The following SULT1E1 variants were observed in gnomAD, a reference collection of about 807,000 sequenced individuals.
The protein encoded by SULT1E1 is sulfotransferase 1E1.
SULT1E1 carries 36 observed loss-of-function variants against 33.6 expected under a neutral mutation model. That is an observed-to-expected ratio of 1.07 (90% CI 0.82 to 1.41). The LOEUF (loss-of-function observed/expected upper bound fraction) is 1.41, where lower values mean the gene tolerates loss of function less well. Ranked by LOEUF, SULT1E1 falls within the 40% of genes most tolerant of loss-of-function variation. The pLI, the probability that SULT1E1 is intolerant of heterozygous loss-of-function variation, is 0.00. For missense variants in SULT1E1, 371 were observed against 345.7 expected, an observed-to-expected ratio of 1.07 and a Z score of -0.58; for synonymous variants, 121 against 111.7, an observed-to-expected ratio of 1.08 and a Z score of -0.53.
chr4:69,822,963 G>A, the SULT1E1 span, among the ~76,000 whole-genome samples: 6 of 152,186 alleles, frequency 3.9e-5, no homozygotes, highest in African/African-American at 7.2e-5. Flanking sequence ...CTGAAAGGCC[G>A]TGCTGAGTAT....
chr4:69,835,079 T>C, the SULT1E1 span, among the ~76,000 whole-genome samples: 4 of 152,176 alleles, frequency 2.6e-5, no homozygotes, highest in South Asian at 8.3e-4. Flanking sequence ...GCATCACATA[T>C]TCTGAATTAT....
At chr4:69,825,255 A>AAAAG in the SULT1E1 span, among the ~76,000 whole-genome samples, 6 of 152,052 alleles carry the variant, frequency 3.9e-5, no homozygotes, top group African/African-American at 1.2e-4. Context: ...AACCCACCAA[A>AAAAG]AAAGAAATTC....
At chr4:69,851,001 A>G (rs903566893) in intron 4 of SULT1E1, among the ~76,000 whole-genome samples, 1 of 152,118 alleles carries the variant, frequency 6.6e-6, no homozygotes, top group African/African-American at 2.4e-5. Flanking sequence ...CAGTTTCCCA[A>G]TGATTCACTT....
chr4:69,839,198 A>G (rs1720840399), downstream of SULT1E1, among the ~76,000 whole-genome samples: 1 of 152,234 alleles, frequency 6.6e-6, no homozygotes, highest in African/African-American at 2.4e-5. Context: ...AGAACAACAT[A>G]AACTGGGATT....
intron 4 of SULT1E1, among the ~76,000 whole-genome samples, chr4:69,850,057 A>G (rs1721071105): frequency 1.3e-5 from 2 of 152,006 alleles, no homozygotes; most frequent in African/African-American, 4.8e-5. Flanking sequence ...TTCACTTTCA[A>G]TATTACAGGA....
downstream of SULT1E1, among the ~76,000 whole-genome samples, chr4:69,838,878 T>A (rs1348711389): frequency 6.6e-6 from 1 of 152,240 alleles, no homozygotes; most frequent in Non-Finnish European, 1.5e-5. Flanking sequence ...CCAATATGGA[T>A]CTCACACTTA....
the SULT1E1 span, among the ~76,000 whole-genome samples, chr4:69,824,366 A>G: frequency 6.6e-6 from 1 of 152,302 alleles, no homozygotes; most frequent in Middle Eastern, 3.4e-3. Flanking sequence ...GGACATAGAA[A>G]AAGAAAGGCT....
At chr4:69,832,079 G>A in the SULT1E1 span, among the ~76,000 whole-genome samples, 7 of 152,184 alleles carry the variant, frequency 4.6e-5, no homozygotes, top group Admixed American at 3.3e-4. Context: ...GTTATACCTC[G>A]GGAGGTGATC....
At chr4:69,845,367 C>A (rs764472947) in intron 6 of SULT1E1, among the ~76,000 whole-genome samples, 1 of 151,532 alleles carries the variant, frequency 6.6e-6, no homozygotes, top group African/African-American at 2.4e-5. Context: ...GTGATTATTA[C>A]GCATGGTGGC....
At chr4:69,822,798 G>A in the SULT1E1 span, among the ~76,000 whole-genome samples, 7 of 151,978 alleles carry the variant, frequency 4.6e-5, no homozygotes, top group South Asian at 2.1e-4. Flanking sequence ...TTTCCCCCTC[G>A]ACCGTTGTAT....
intron 5 of SULT1E1, among the ~76,000 whole-genome samples, 170 bp from the exon 6 acceptor site, chr4:69,847,962 A>C (rs532925981): frequency 6.6e-6 from 1 of 151,920 alleles, no homozygotes; most frequent in African/African-American, 2.4e-5. Flanking sequence ...GAGGCAAAGT[A>C]TGTTAAATAA....
At position 69,857,541 on chromosome 4, in the gene SULT1E1, G is replaced by A; in HGVS notation, c.104C>T (p.Ala35Val). ...GGCAATGACAAGATCATCTGGTCTT[G>A]CCTGGAACGCTTCCACATTATCCCA... is the stretch of plus-strand genomic sequence containing the variant. ...KYWDNVEAFQ[A>V]RPDDLVIATY... Residue 35 changes from alanine (A) to valine (V), a missense_variant, in exon 2 of 8, where the codon GCA becomes GTA. Ala to Val is a moderately conservative substitution (Grantham distance 64). Coordinates refer to ENST00000226444, the MANE Select transcript of SULT1E1 (RefSeq NM_005420.3). 6.2e-7 allele frequency: 1 copy of A among 1,612,978 alleles called. No homozygotes were observed. The highest frequency in any genetic ancestry group is 8.5e-7 in the Non-Finnish European group (1 of 1,179,700).
chr4:69,858,167 G>A (rs572047599), intron 1 of SULT1E1, among the ~76,000 whole-genome samples: 9 of 152,170 alleles, frequency 5.9e-5, no homozygotes, highest in African/African-American at 2.2e-4. Flanking sequence ...AATGCTTGGT[G>A]AATGTATTTA....
the SULT1E1 span, among the ~76,000 whole-genome samples, chr4:69,833,933 A>G: frequency 2.0e-5 from 3 of 152,146 alleles, no homozygotes; most frequent in Non-Finnish European, 4.4e-5. Flanking sequence ...TTTTAATTGT[A>G]TTTGCCTTCC....
chr4:69,855,287 A>G lies in SULT1E1; in HGVS notation c.271+14T>C, dbSNP rs1280122199. Reference sequence around the variant, plus strand: ...ATATATGCAAATAGTTTTTAAAATCAACTTGAACGTTACCATTCATGAGGT... The same window carrying G: ...ATATATGCAAATAGTTTTTAAAATCGACTTGAACGTTACCATTCATGAGGT... On this transcript the variant is annotated intron_variant, in intron 3 of 7. Transcript: ENST00000226444. 6.2e-7 allele frequency: 1 copy of G among 1,608,290 alleles called. No individual in the cohort carries two copies. The highest frequency in any genetic ancestry group is 8.5e-7 in the Non-Finnish European group (1 of 1,177,320).
chr4:69,844,540 T>C (rs559255187), intron 6 of SULT1E1, among the ~76,000 whole-genome samples, 199 bp from the exon 7 acceptor site: 135 of 152,268 alleles, frequency 8.9e-4, no homozygotes, highest in Admixed American at 2.9e-3. Flanking sequence ...TTATAAAAGA[T>C]ACTTTAAGAT....
At chr4:69,852,519 T>C (rs1446194790) in intron 4 of SULT1E1, among the ~76,000 whole-genome samples, 1 of 152,162 alleles carries the variant, frequency 6.6e-6, no homozygotes, top group Admixed American at 6.6e-5. Flanking sequence ...ATACCTCTCC[T>C]ACAATCAAAC....
At chr4:69,849,636 AG>A in intron 4 of SULT1E1, 73 bp from the exon 5 acceptor site, 1 of 1,371,122 alleles carries the variant, frequency 7.3e-7, no homozygotes, top group South Asian at 1.5e-5. Flanking sequence ...TTTTTTAAAA[AG>A]GATTTACATT....
chr4:69,858,667 C>T (rs1455472664), intron 1 of SULT1E1, among the ~76,000 whole-genome samples: 1 of 152,126 alleles, frequency 6.6e-6, no homozygotes, highest in African/African-American at 2.4e-5. Context: ...AAACCTTCCT[C>T]TACATCATAT....
Sources: gnomAD v4.1 joint callset for allele counts (sites outside exome capture counted in the v4.1 genomes callset) on GRCh38, gnomAD v4.1.1 for gene constraint, MANE v1.5 for transcripts, NCBI Gene and HGNC (gene_info 2026-07-23, HGNC 2026-07-21) for gene names.